CDH8: variants seen among roughly 807,000 people sequenced by gnomAD.
CDH8 encodes cadherin-8.
In CDH8, 17 loss-of-function variants were observed where a neutral mutation model predicts 68.1. The ratio of observed to expected loss-of-function variants is 0.25; its 90% confidence interval spans 0.17 to 0.37. The LOEUF (loss-of-function observed/expected upper bound fraction) is 0.37. Among genes scored for constraint, CDH8 ranks in the 10% least tolerant of loss-of-function variants. CDH8 has a pLI of 1.00. For missense variants in CDH8, 763 were observed against 999.3 expected (o/e 0.76, Z 3.19); for synonymous variants, 372 against 365.1 (o/e 1.02, Z -0.21).
Position 61,734,443 on chromosome 16 carries a change from C to G in CDH8, c.1415-7228G>C, listed in dbSNP as rs538962884. Reference sequence around the variant, plus strand: ...TTTTGCCTTTTATGTTCACCTCCTACTCCCTTTCTAGGGCCATTTTCCAGA... The same window carrying G: ...TTTTGCCTTTTATGTTCACCTCCTAGTCCCTTTCTAGGGCCATTTTCCAGA... On this transcript the variant is annotated intron_variant, in intron 8 of 11. Coordinates refer to ENST00000577390, the MANE Select transcript of CDH8 (RefSeq NM_001796.5). Among the ~76,000 whole-genome samples, 27 of 152,282 alleles carry G rather than the reference C, an allele frequency of 1.8e-4. No individual in the cohort carries two copies. In the South Asian group the frequency reaches 5.6e-3, roughly 32 times the overall value.
intron 2 of CDH8, among the ~76,000 whole-genome samples, chr16:61,962,157 A>G (rs927629176): frequency 6.6e-6 from 1 of 152,052 alleles, no homozygotes; most frequent in African/African-American, 2.4e-5. Context: ...GAGTAGCTGA[A>G]GAGGAGGAGG....
At position 61,825,033 on chromosome 16, in the gene CDH8, T is replaced by A. The variant is rs1337200377; in HGVS notation, c.814A>T (p.Asn272Tyr). Residue 272 changes from asparagine to tyrosine, a missense_variant, in exon 5 of 12, where the codon AAT becomes TAT. By Grantham distance (143) the Asn-to-Tyr change is moderately radical. Transcript: ENST00000577390. Reference sequence around the variant, plus strand: ...TTACTCTGTGCAAATTTTGGAGGATTGTCATTAACATCAGTAAGAGTCACT... The same window carrying A: ...TTACTCTGTGCAAATTTTGGAGGATAGTCATTAACATCAGTAAGAGTCACT... ...LTVTLTDVND[N>Y]PPKFAQSLYH... 1 of 1,611,444 alleles carries A rather than the reference T, an allele frequency of 6.2e-7. No individual in the cohort carries two copies. Among genetic ancestry groups the A allele is most frequent in the Non-Finnish European group, 8.5e-7 (1 of 1,178,508 alleles).
chr16:61,791,574 A>G (rs934483439), intron 7 of CDH8, among the ~76,000 whole-genome samples: 2 of 152,004 alleles, frequency 1.3e-5, no homozygotes, highest in African/African-American at 4.8e-5. Flanking sequence ...CTCACTGCTG[A>G]TATTTCACAC....
chr16:62,015,617 T>G (rs968870616), intron 2 of CDH8, among the ~76,000 whole-genome samples: 3 of 152,150 alleles, frequency 2.0e-5, no homozygotes, highest in Admixed American at 6.5e-5. Context: ...TTAAGCCTAG[T>G]TCTCTGTGTT....
Position 61,654,015 on chromosome 16 carries a change from T to G in CDH8, c.1993A>C (p.Ile665Leu). ...CCTCCTCCTTCATCATCGTAGCGAATGATGTTTTCTCGAACGTCTTCATCA... is the reference window on the plus strand; with the variant it reads ...CCTCCTCCTTCATCATCGTAGCGAAGGATGTTTTCTCGAACGTCTTCATCA... ...KDDEDVRENIIRYDDEGGGEE... is the reference protein window; with the variant it reads ...KDDEDVRENILRYDDEGGGEE... Residue 665 changes from isoleucine to leucine, a missense_variant, in exon 12 of 12, where the codon ATT (isoleucine) becomes CTT (leucine). Ile to Leu is a conservative substitution (Grantham distance 5). Coordinates refer to ENST00000577390, the MANE Select transcript of CDH8 (RefSeq NM_001796.5). 1 of 1,614,152 alleles carries G rather than the reference T, an allele frequency of 6.2e-7. No individual in the cohort carries two copies. The highest frequency in any genetic ancestry group is 8.5e-7 in the Non-Finnish European group (1 of 1,179,994).
intron 10 of CDH8, among the ~76,000 whole-genome samples, chr16:61,688,150 C>A (rs772718128): frequency 7.9e-5 from 12 of 151,918 alleles, no homozygotes; most frequent in Non-Finnish European, 1.6e-4. Context: ...AAGGGGAAAC[C>A]CACACGTTTG....
At chr16:61,655,803 C>T in intron 10 of CDH8, 82 bp from the exon 11 acceptor site, 1 of 1,220,140 alleles carries the variant, frequency 8.2e-7, no homozygotes, top group Non-Finnish European at 1.2e-6. Flanking sequence ...GTTCATGAAC[C>T]CTTTGCAAAC....
At chr16:61,808,772 G>T (rs1266516881) in intron 7 of CDH8, among the ~76,000 whole-genome samples, 1 of 152,200 alleles carries the variant, frequency 6.6e-6, no homozygotes, top group East Asian at 1.9e-4. Flanking sequence ...CTTGTGTAGG[G>T]GGTGACAAAG....
intron 4 of CDH8, among the ~76,000 whole-genome samples, chr16:61,842,630 C>T (rs938788649): frequency 3.3e-5 from 5 of 152,142 alleles, no homozygotes; most frequent in Non-Finnish European, 7.3e-5. Flanking sequence ...TAGTGACTCC[C>T]TTCAGACCTC....
At chr16:61,654,698 G>A (rs190817688) in intron 11 of CDH8, among the ~76,000 whole-genome samples, 193 of 152,284 alleles carry the variant, frequency 1.3e-3, no homozygotes, top group Non-Finnish European at 2.1e-3. Flanking sequence ...CTAGTCAGAT[G>A]GGCCAAATCA....
chr16:62,034,369 TCG>T (rs1902401823), intron 1 of CDH8, among the ~76,000 whole-genome samples: 1 of 152,158 alleles, frequency 6.6e-6, no homozygotes. Context: ...AATCCCACTT[TCG>T]AATCTTACAT....
rs369323836 is a variant in CDH8, at chr16:61,933,716, A to AT, written c.253-32244dup. ...TTTTTTTCTTTTAGTGCTGGTGGTG[A>AT]TTTTTTTTGTTTGTTTTTTGCAACC... On this transcript the variant is annotated intron_variant, in intron 2 of 11. Transcript: ENST00000577390. Among the ~76,000 whole-genome samples, 1,043 of 151,804 alleles carry AT rather than the reference A, an allele frequency of 6.9e-3. 15 individuals are homozygous for AT. Among genetic ancestry groups the AT allele is most frequent in the African/African-American group, 0.024 (999 of 41,410 alleles).
intron 3 of CDH8, among the ~76,000 whole-genome samples, chr16:61,883,384 T>C (rs117354569): frequency 0.016 from 2,400 of 152,186 alleles, 32 homozygotes; most frequent in Middle Eastern, 0.027. Flanking sequence ...AACACCTTTC[T>C]GATACATGCT....
intron 2 of CDH8, among the ~76,000 whole-genome samples, chr16:61,919,335 G>A (rs1180460078): frequency 1.3e-5 from 2 of 148,416 alleles, no homozygotes; most frequent in African/African-American, 2.5e-5. Context: ...GACAAGCTGA[G>A]AGAAGAAGGC....
In CDH8 at chr16:62,019,681, T is replaced by C. The variant is rs1249987562; in HGVS notation, c.252+1471A>G. 2.0e-5 allele frequency among the ~76,000 whole-genome samples: 3 copies of C among 152,270 alleles called. No individual in the cohort carries two copies. In the East Asian group the frequency reaches 5.8e-4, roughly 29 times the overall value. On this transcript the variant is annotated intron_variant, in intron 2 of 11. Coordinates refer to ENST00000577390, the MANE Select transcript of CDH8 (RefSeq NM_001796.5). Reference sequence around the variant, plus strand: ...AAGTCGGTTCTGCTCCCTGAGTTTGTATCAAGGATACAAAAAAATCTTTCA... The same window carrying C: ...AAGTCGGTTCTGCTCCCTGAGTTTGCATCAAGGATACAAAAAAATCTTTCA...
intron 9 of CDH8, among the ~76,000 whole-genome samples, chr16:61,724,683 A>G (rs934640160): frequency 2.0e-5 from 3 of 150,852 alleles, no homozygotes; most frequent in Non-Finnish European, 4.5e-5. Flanking sequence ...TGAGAAAGCT[A>G]TGAATTTAAT....
intron 2 of CDH8, among the ~76,000 whole-genome samples, chr16:61,982,860 G>A (rs1965562565): frequency 6.6e-6 from 1 of 152,174 alleles, no homozygotes; most frequent in South Asian, 2.1e-4. Context: ...TAGCTTATGA[G>A]TGAGCCCAGA....
At chr16:61,697,497 ATTT>A (rs35190674) in intron 10 of CDH8, among the ~76,000 whole-genome samples, 1 of 147,084 alleles carries the variant, frequency 6.8e-6, no homozygotes, top group Non-Finnish European at 1.5e-5. Context: ...TTGGAGAGTT[ATTT>A]TTTTTTTTTT....
At chr16:61,954,857 G>C (rs1443150535) in intron 2 of CDH8, among the ~76,000 whole-genome samples, 3 of 152,180 alleles carry the variant, frequency 2.0e-5, no homozygotes, top group Non-Finnish European at 4.4e-5. Context: ...AACTGTGGGA[G>C]AAGTGAAATA....
Sources: gnomAD v4.1 joint callset for allele counts (sites outside exome capture counted in the v4.1 genomes callset) on GRCh38, gnomAD v4.1.1 for gene constraint, MANE v1.5 for transcripts, NCBI Gene and HGNC (gene_info 2026-07-23, HGNC 2026-07-21) for gene names.